The following AGPAT4 variants were observed in gnomAD, a reference collection of about 807,000 sequenced individuals.
The protein encoded by AGPAT4 is 1-acylglycerol-3-phosphate O-acyltransferase 4, also known as 1-acyl-sn-glycerol-3-phosphate acyltransferase delta.
Under a neutral mutation model 48.0 loss-of-function variants are expected in AGPAT4, and 15 were observed. The observed-to-expected ratio is 0.31, with a 90% CI of 0.21 to 0.48. The LOEUF is 0.48. Among genes scored for constraint, AGPAT4 ranks in the 20% least tolerant of loss-of-function variants. The pLI is 0.99. For missense variants in AGPAT4, 314 were observed against 482.5 expected (o/e 0.65, Z 3.27); for synonymous variants, 178 against 198.7 (o/e 0.90, Z 0.88).
At position 161,223,492 on chromosome 6, in the gene AGPAT4, T is replaced by C. The variant is rs1202779088; in HGVS notation, c.178+8544A>G. Reference sequence around the variant, plus strand: ...CCTCTCGCCTCATTTAACAGGTGAATTGCCTGTTCACATAGCGGTGTTATT... The same window carrying C: ...CCTCTCGCCTCATTTAACAGGTGAACTGCCTGTTCACATAGCGGTGTTATT... On this transcript the variant is annotated intron_variant, in intron 2 of 8. Transcript: ENST00000320285. The surrounding 1 kb of genome is among the most constrained non-coding windows in gnomAD (Gnocchi z 6.3). Among the ~76,000 whole-genome samples, 2 of 152,226 alleles carry C rather than the reference T, an allele frequency of 1.3e-5. No homozygotes were observed. The highest frequency in any genetic ancestry group is 6.5e-5 in the Admixed American group (1 of 15,286).
At chr6:161,239,061 G>A (rs1451299784) in intron 1 of AGPAT4, among the ~76,000 whole-genome samples, 2 of 152,062 alleles carry the variant, frequency 1.3e-5, no homozygotes, top group East Asian at 1.9e-4. Flanking sequence ...CGAGACAAAC[G>A]CTCTCACTCT....
rs1026174901 is a variant in AGPAT4, at chr6:161,231,995, T to A, written c.178+41A>T. On this transcript the variant is annotated intron_variant, in intron 2 of 8. Coordinates refer to ENST00000320285, the MANE Select transcript of AGPAT4 (RefSeq NM_020133.3). The surrounding 1 kb of genome is among the most constrained non-coding windows in gnomAD (Gnocchi z 5.3). ...AAGAGCCATAATTCTGATACACACA[T>A]CCACAATGGAGACGAAAATATAGAA... The A allele has an allele frequency of 4.4e-6, 7 of 1,589,944 alleles. No individual in the cohort carries two copies. In the Admixed American group the frequency reaches 6.7e-5, roughly 15 times the overall value.
chr6:161,152,053 A>G (rs1236990110), intron 5 of AGPAT4, among the ~76,000 whole-genome samples: 1 of 152,202 alleles, frequency 6.6e-6, no homozygotes, highest in Non-Finnish European at 1.5e-5. Context: ...TCGGTTCTGC[A>G]GGCCCAAGTG....
chr6:161,191,587 C>T (rs936011900), intron 2 of AGPAT4, among the ~76,000 whole-genome samples: 1 of 152,168 alleles, frequency 6.6e-6, no homozygotes, highest in East Asian at 1.9e-4. Context: ...CCAGACAGGA[C>T]TAAAGATGTA....
At chr6:161,174,147 A>G (rs1460483211) in intron 2 of AGPAT4, among the ~76,000 whole-genome samples, 1 of 152,164 alleles carries the variant, frequency 6.6e-6, no homozygotes, top group Non-Finnish European at 1.5e-5. Context: ...TTGGTTCCAT[A>G]TGAACTTTAA....
intron 3 of AGPAT4, chr6:161,160,900 AAAGT>A (rs903959331): frequency 2.4e-6 from 1 of 418,794 alleles, no homozygotes; most frequent in African/African-American, 2.0e-5. Flanking sequence ...CCCAGGGCAG[AAAGT>A]AATAGGAGCG....
At chr6:161,192,264 C>T (rs1780949089) in intron 2 of AGPAT4, among the ~76,000 whole-genome samples, 1 of 151,266 alleles carries the variant, frequency 6.6e-6, no homozygotes, top group African/African-American at 2.4e-5. Flanking sequence ...GATTCTCCTG[C>T]CTCAGCCTCC....
chr6:161,255,715 G>A lies in AGPAT4; in HGVS notation c.-90+18223C>T, dbSNP rs1782926897. On this transcript the variant is annotated intron_variant, in intron 1 of 8. Transcript: ENST00000320285. The surrounding 1 kb of genome is among the most constrained non-coding windows in gnomAD (Gnocchi z 4.7). ...AGTGAACTTGTGGTTGTCTAGGGCT[G>A]GAGGGGGCAGGATGGGGGAGTGACT... 6.6e-6 allele frequency among the ~76,000 whole-genome samples: 1 copy of A among 151,988 alleles called. No homozygotes were observed. The highest frequency in any genetic ancestry group is 6.6e-5 in the Admixed American group (1 of 15,260).
rs1471778142 is a variant in AGPAT4, at chr6:161,204,099, A to G, written c.178+27937T>C. ...AATTTCAGACTCTTGAGTTGACTTT[A>G]CCTTCTCAAGACTAAACACATACTC... is the stretch of plus-strand genomic sequence containing the variant. On this transcript the variant is annotated intron_variant, in intron 2 of 8. Transcript: ENST00000320285. This position sits in a 1 kb window ranked among gnomAD's most constrained non-coding sequence, Gnocchi z 4.4. 1.3e-5 allele frequency among the ~76,000 whole-genome samples: 2 copies of G among 152,226 alleles called. No homozygotes were observed. The highest frequency in any genetic ancestry group is 1.3e-4 in the Admixed American group (2 of 15,282).
In AGPAT4 at chr6:161,147,576, G is replaced by A. The variant is rs922240539; in HGVS notation, c.768-977C>T. Among the ~76,000 whole-genome samples, 1 of 152,154 alleles carries A rather than the reference G, an allele frequency of 6.6e-6. No individual in the cohort carries two copies. The highest frequency in any genetic ancestry group is 1.5e-5 in the Non-Finnish European group (1 of 68,024). Reference sequence around the variant, plus strand: ...TCCATCTTATAACAGATTACAATGAGCCACTTCCTTTTCAAGGCAGTATTG... The same window carrying A: ...TCCATCTTATAACAGATTACAATGAACCACTTCCTTTTCAAGGCAGTATTG... On this transcript the variant is annotated intron_variant, in intron 6 of 8. Transcript: ENST00000320285. This position sits in a 1 kb window ranked among gnomAD's most constrained non-coding sequence, Gnocchi z 4.8.
chr6:161,252,937 T>G (rs984796791), intron 1 of AGPAT4, among the ~76,000 whole-genome samples: 3 of 152,074 alleles, frequency 2.0e-5, no homozygotes, highest in Admixed American at 6.5e-5. Context: ...TATATGAGTC[T>G]GGGAGCTGTG....
rs1307765888 is a variant in AGPAT4 at position 161,216,699 on chromosome 6, G to A, written c.178+15337C>T. ...AGGAGTTCTCACAATCATGGTGGGA[G>A]GCGAAAGGCTCTTCTTAAGCAGCGA... On this transcript the variant is annotated intron_variant, in intron 2 of 8. Coordinates refer to ENST00000320285, the MANE Select transcript of AGPAT4 (RefSeq NM_020133.3). This position sits in a 1 kb window ranked among gnomAD's most constrained non-coding sequence, Gnocchi z 4.8. 6.6e-6 allele frequency among the ~76,000 whole-genome samples: 1 copy of A among 152,222 alleles called. No homozygotes were observed. Among genetic ancestry groups the A allele is most frequent in the African/African-American group, 2.4e-5 (1 of 41,454 alleles).
chr6:161,165,854 T>C lies in AGPAT4; in HGVS notation c.348+394A>G. 1 of 592,244 alleles carries C rather than the reference T, an allele frequency of 1.7e-6. No individual in the cohort carries two copies. 36.7% of individuals were successfully genotyped at this position (592,244 alleles called of 1,614,324 possible). On this transcript the variant is annotated intron_variant, in intron 3 of 8. Coordinates refer to ENST00000320285, the MANE Select transcript of AGPAT4 (RefSeq NM_020133.3). The surrounding 1 kb of genome is among the most constrained non-coding windows in gnomAD (Gnocchi z 5.5). ...GTCTGCCTGTTAGCCAAGGAGGCAG[T>C]AGAGCATGGAATTAAGAAATATGGA...
rs781718880 is a variant in AGPAT4 at position 161,131,111 on chromosome 6, A to G, written c.*5429T>C. ...CCAGAGGTGCCAGAAATGTCAAAAA[A>G]TATCTAGTCATTCCAATATGTAAAA... is the stretch of plus-strand genomic sequence containing the variant. On this transcript the variant is annotated 3_prime_UTR_variant, in exon 9 of 9. Transcript: ENST00000320285. The G allele has an allele frequency of 1.3e-5, 4 of 307,426 alleles. No individual in the cohort carries two copies. The highest frequency in any genetic ancestry group is 2.8e-5 in the South Asian group (1 of 35,114). 19.0% of individuals were successfully genotyped at this position (307,426 alleles called of 1,614,324 possible). A position where few individuals can be genotyped will look rare whatever the true frequency, so the allele number is the denominator to read the frequency against.
intron 2 of AGPAT4, among the ~76,000 whole-genome samples, chr6:161,193,723 G>A (rs979478878): frequency 3.3e-5 from 5 of 152,218 alleles, no homozygotes; most frequent in Non-Finnish European, 7.3e-5. Context: ...CTACTGGAAT[G>A]CTGACAATCA....
Position 161,232,591 on chromosome 6 carries a change from A to C in AGPAT4, c.-89-289T>G, listed in dbSNP as rs145020243. The stretch of plus-strand genomic sequence containing the variant: ...AGGTGGAGCCACTCGGCCAGGGTTC[A>C]CCGCTCCCCAGCTGGGCAGCAGCTG... On this transcript the variant is annotated intron_variant, in intron 1 of 8. Coordinates refer to ENST00000320285, the MANE Select transcript of AGPAT4 (RefSeq NM_020133.3). The surrounding 1 kb of genome is among the most constrained non-coding windows in gnomAD (Gnocchi z 6.8). Among the ~76,000 whole-genome samples the C allele has an allele frequency of 5.0e-3, 754 of 152,246 alleles. 8 individuals carry two copies. The highest frequency in any genetic ancestry group is 0.017 in the African/African-American group (716 of 41,538).
rs535959023 is a variant in AGPAT4, at chr6:161,227,459, T to C, written c.178+4577A>G. On this transcript the variant is annotated intron_variant, in intron 2 of 8. Transcript: ENST00000320285. ...GAATATCTGCTTCCTCTCGGGAAAGTAGAGTTGAGGACTCCCATTCTCCGT... is the reference window on the plus strand; with the variant it reads ...GAATATCTGCTTCCTCTCGGGAAAGCAGAGTTGAGGACTCCCATTCTCCGT... Among the ~76,000 whole-genome samples, 4 of 152,304 alleles carry C rather than the reference T, an allele frequency of 2.6e-5. No individual in the cohort carries two copies. In the South Asian group the frequency reaches 8.3e-4, roughly 32 times the overall value.
intron 2 of AGPAT4, among the ~76,000 whole-genome samples, chr6:161,176,665 G>C (rs1780438183): frequency 6.6e-6 from 1 of 152,266 alleles, no homozygotes; most frequent in Non-Finnish European, 1.5e-5. Context: ...TGTTATGTGT[G>C]AATTTGATCC....
Position 161,212,700 on chromosome 6 carries a change from T to G in AGPAT4, c.178+19336A>C, listed in dbSNP as rs978165108. ...TGCCACAAGGTAACAAATTTCCTTG[T>G]CAATTGTGTCTTTCACTATGGCTAC... On this transcript the variant is annotated intron_variant, in intron 2 of 8. Coordinates refer to ENST00000320285, the MANE Select transcript of AGPAT4 (RefSeq NM_020133.3). The surrounding 1 kb of genome is among the most constrained non-coding windows in gnomAD (Gnocchi z 6.1). Among the ~76,000 whole-genome samples, 5 of 152,320 alleles carry G rather than the reference T, an allele frequency of 3.3e-5. No individual in the cohort carries two copies. The highest frequency in any genetic ancestry group is 5.9e-5 in the Non-Finnish European group (4 of 68,010).
Sources: gnomAD v4.1 joint callset for allele counts (sites outside exome capture counted in the v4.1 genomes callset) on GRCh38, gnomAD v4.1.1 for gene constraint, Gnocchi (gnomAD v3.1) non-coding constraint, MANE v1.5 for transcripts, NCBI Gene and HGNC (gene_info 2026-07-23, HGNC 2026-07-21) for gene names.